ZRANB3: variants seen among roughly 807,000 people sequenced by gnomAD.
ZRANB3 encodes the protein DNA annealing helicase and endonuclease ZRANB3.
ZRANB3 carries 125 observed loss-of-function variants against 133.8 expected under a neutral mutation model. That is an observed-to-expected ratio of 0.93 (90% CI 0.81 to 1.08). The LOEUF (loss-of-function observed/expected upper bound fraction) is 1.08, where lower values mean the gene tolerates loss of function less well. ZRANB3 is among the 50% of genes least tolerant of loss of function. The pLI, the probability that ZRANB3 is intolerant of heterozygous loss-of-function variation, is 0.00. For synonymous variants in ZRANB3, 387 were observed against 432.7 expected (o/e 0.89, Z 1.31); for missense variants, 1,229 against 1,275.5 (o/e 0.96, Z 0.56).
chr2:135,336,799 C>T (rs183380196), intron 6 of ZRANB3, among the ~76,000 whole-genome samples: 39 of 152,128 alleles, frequency 2.6e-4, no homozygotes, highest in Admixed American at 1.1e-3. Flanking sequence ...TTATTGACCA[C>T]GTGGGTTGTT....
intron 2 of ZRANB3, among the ~76,000 whole-genome samples, chr2:135,431,500 C>T (rs566031254): frequency 6.6e-6 from 1 of 152,008 alleles, no homozygotes; most frequent in East Asian, 1.9e-4. Flanking sequence ...AAATTAATAT[C>T]TGCTCTTTGA....
chr2:135,425,666 C>T (rs1689030215), intron 2 of ZRANB3, among the ~76,000 whole-genome samples: 1 of 151,920 alleles, frequency 6.6e-6, no homozygotes, highest in African/African-American at 2.4e-5. Context: ...ATACAACATA[C>T]CAGAATCTCT....
At chr2:135,446,942 G>T (rs899386897) in intron 2 of ZRANB3, among the ~76,000 whole-genome samples, 3 of 152,036 alleles carry the variant, frequency 2.0e-5, no homozygotes, top group African/African-American at 7.2e-5. Flanking sequence ...TCTTTATGAA[G>T]TATCTCTTAG....
intron 2 of ZRANB3, among the ~76,000 whole-genome samples, chr2:135,403,493 G>A (rs1687845130): frequency 6.6e-6 from 1 of 152,236 alleles, no homozygotes; most frequent in African/African-American, 2.4e-5. Context: ...AGCTCAAGGA[G>A]GCCTGCCTGC....
chr2:135,504,804 T>G (rs2104823056), intron 1 of ZRANB3, among the ~76,000 whole-genome samples: 1 of 152,198 alleles, frequency 6.6e-6, no homozygotes, highest in East Asian at 1.9e-4. Flanking sequence ...TAAACTAGAT[T>G]TTTCACAAAT....
At chr2:135,234,984 T>G (rs964061249) in intron 12 of ZRANB3, among the ~76,000 whole-genome samples, 1 of 151,984 alleles carries the variant, frequency 6.6e-6, no homozygotes, top group African/African-American at 2.4e-5. Flanking sequence ...CCTTCAAAAA[T>G]TCAATGAATC....
intron 2 of ZRANB3, among the ~76,000 whole-genome samples, chr2:135,425,525 T>G (rs1177816288): frequency 6.6e-6 from 1 of 152,114 alleles, no homozygotes. Flanking sequence ...CTGCTGTGAG[T>G]AGATTTTTCC....
intron 12 of ZRANB3, among the ~76,000 whole-genome samples, chr2:135,233,277 G>C (rs562340473): frequency 6.6e-5 from 10 of 152,304 alleles, no homozygotes; most frequent in East Asian, 3.9e-4. Flanking sequence ...AAGCCTCCAA[G>C]AAATATGGGA....
At chr2:135,256,415 G>C (rs571268796) in intron 12 of ZRANB3, among the ~76,000 whole-genome samples, 1 of 152,226 alleles carries the variant, frequency 6.6e-6, no homozygotes, top group South Asian at 2.1e-4. Flanking sequence ...TGCAACCTCT[G>C]CCTCCCGGGT....
Position 135,228,012 on chromosome 2 carries a change from A to G in ZRANB3, c.1958T>C (p.Met653Thr), listed in dbSNP as rs1694826709. The part of the protein sequence containing the change: ...MCETPQGSAV[M>T]QIDSLNHIQD... ...GATATGGTTGAGGCTATCTATTTGC[A>G]TAACTATTAAAATAAAAATTATTAC... Residue 653 changes from methionine to threonine, a missense_variant, in exon 14 of 21, where the codon ATG (methionine) becomes ACG (threonine). Met to Thr is a moderately conservative substitution (Grantham distance 81). Transcript: ENST00000264159. 2.6e-6 allele frequency: 4 copies of G among 1,524,598 alleles called. No individual in the cohort carries two copies. The highest frequency in any genetic ancestry group is 2.6e-5 in the South Asian group (2 of 77,160). The allele number at this position is 1,524,598 out of a possible 1,614,324, so 94.4% of individuals were successfully genotyped here. A position where few individuals can be genotyped will look rare whatever the true frequency, so the allele number is the denominator to read the frequency against.
chr2:135,273,202 A>T (rs1178235351), intron 9 of ZRANB3, among the ~76,000 whole-genome samples: 2 of 150,422 alleles, frequency 1.3e-5, no homozygotes, highest in Non-Finnish European at 2.9e-5. Flanking sequence ...AAAAGAAAAA[A>T]AAAAGAAAAA....
chr2:135,504,581 T>G, intron 1 of ZRANB3, 85 bp from the exon 2 acceptor site: 1 of 1,173,338 alleles, frequency 8.5e-7, no homozygotes, highest in East Asian at 2.6e-5. Flanking sequence ...ATAAATAATA[T>G]TAAAGTACTT....
At chr2:135,291,306 C>T (rs1038089535) in intron 8 of ZRANB3, among the ~76,000 whole-genome samples, 3 of 152,134 alleles carry the variant, frequency 2.0e-5, no homozygotes, top group Non-Finnish European at 4.4e-5. Flanking sequence ...CCTCAGCATC[C>T]CAAGTAGCTA....
intron 14 of ZRANB3, 86 bp from the exon 15 acceptor site, chr2:135,224,603 A>C: frequency 3.6e-6 from 3 of 837,464 alleles, no homozygotes. Flanking sequence ...GGTTAGAACG[A>C]TGAAATAGCT....
chr2:135,436,648 T>C (rs879653439), intron 2 of ZRANB3, among the ~76,000 whole-genome samples: 3 of 152,172 alleles, frequency 2.0e-5, no homozygotes, highest in Non-Finnish European at 2.9e-5. Flanking sequence ...CTCATGCTCA[T>C]GGATACAAAG....
At chr2:135,477,291 CAT>C (rs1395954443) in intron 2 of ZRANB3, among the ~76,000 whole-genome samples, 4 of 152,220 alleles carry the variant, frequency 2.6e-5, no homozygotes, top group Non-Finnish European at 5.9e-5. Context: ...GGAAAACAGT[CAT>C]AGTCTATACT....
At chr2:135,376,695 T>C (rs565397774) in intron 3 of ZRANB3, among the ~76,000 whole-genome samples, 27 of 152,234 alleles carry the variant, frequency 1.8e-4, no homozygotes, top group African/African-American at 4.8e-4. Flanking sequence ...CTGGGGGAAA[T>C]TGAATAAATG....
At position 135,486,049 on chromosome 2, in the gene ZRANB3, C is replaced by T. The variant is rs577604631; in HGVS notation, c.161+18280G>A. 4.6e-5 allele frequency among the ~76,000 whole-genome samples: 7 copies of T among 152,130 alleles called. No individual in the cohort carries two copies. In the South Asian group the frequency reaches 6.2e-4, roughly 14 times the overall value. ...ATATGGAGAGTGAAGGGTTTTACCTCGACGATTGTTGATGGCTGCTGACTA... is the reference window on the plus strand; with the variant it reads ...ATATGGAGAGTGAAGGGTTTTACCTTGACGATTGTTGATGGCTGCTGACTA... On this transcript the variant is annotated intron_variant, in intron 2 of 20. Transcript: ENST00000264159.
chr2:135,424,841 A>G (rs1689003762), intron 2 of ZRANB3, among the ~76,000 whole-genome samples: 1 of 152,228 alleles, frequency 6.6e-6, no homozygotes, highest in South Asian at 2.1e-4. Flanking sequence ...CTCTAACCCT[A>G]AAGCCACTCC....
Sources: gnomAD v4.1 joint callset for allele counts (sites outside exome capture counted in the v4.1 genomes callset) on GRCh38, gnomAD v4.1.1 for gene constraint, MANE v1.5 for transcripts, NCBI Gene and HGNC (gene_info 2026-07-23, HGNC 2026-07-21) for gene names.